Variants in NCKAP5 observed in about 807,000 individuals in gnomAD.
The protein encoded by NCKAP5 is NCK associated protein 5.
NCKAP5 carries 92 observed loss-of-function variants against 167.0 expected under a neutral mutation model. The ratio of observed to expected loss-of-function variants is 0.55; its 90% CI spans 0.47 to 0.66. The LOEUF (loss-of-function observed/expected upper bound fraction) is 0.66, where lower values mean the gene tolerates loss of function less well. Among genes scored for constraint, NCKAP5 ranks in the 30% least tolerant of loss-of-function variants. NCKAP5 has a pLI of 0.00. For missense variants in NCKAP5, 2,378 were observed against 2,315.0 expected (o/e 1.03, Z -0.56); for synonymous variants, 891 against 877.4 (o/e 1.02, Z -0.27).
At chr2:133,245,581 T>A (rs954731290) in intron 4 of NCKAP5, among the ~76,000 whole-genome samples, 9 of 152,128 alleles carry the variant, frequency 5.9e-5, no homozygotes, top group African/African-American at 2.2e-4. Context: ...AAAACCAGTA[T>A]ACTAACACTT....
intron 11 of NCKAP5, among the ~76,000 whole-genome samples, chr2:132,820,321 C>A (rs556486051): frequency 7.4e-4 from 112 of 151,842 alleles, no homozygotes; most frequent in African/African-American, 2.2e-3. Flanking sequence ...ACTCTGCCTT[C>A]CGGGTTCACG....
At chr2:132,879,722 A>G (rs1691602388) in intron 8 of NCKAP5, among the ~76,000 whole-genome samples, 1 of 152,172 alleles carries the variant, frequency 6.6e-6, no homozygotes, top group Non-Finnish European at 1.5e-5. Flanking sequence ...TAAGCCCACA[A>G]GCAATCTTGG....
chr2:133,042,639 A>G (rs1275544963), intron 6 of NCKAP5, among the ~76,000 whole-genome samples: 1 of 152,212 alleles, frequency 6.6e-6, no homozygotes, highest in Non-Finnish European at 1.5e-5. Context: ...AAACTGATCT[A>G]GATGTTGTTT....
At chr2:133,060,498 T>G (rs1159429090) in intron 6 of NCKAP5, among the ~76,000 whole-genome samples, 2 of 152,216 alleles carry the variant, frequency 1.3e-5, no homozygotes, top group Non-Finnish European at 2.9e-5. Context: ...TATGTATATA[T>G]TTTCATGGAC....
intron 6 of NCKAP5, among the ~76,000 whole-genome samples, chr2:133,048,805 T>C (rs966594149): frequency 2.0e-5 from 3 of 152,210 alleles, no homozygotes; most frequent in Non-Finnish European, 4.4e-5. Flanking sequence ...GATTTTAATA[T>C]ACATTGTTTT....
chr2:133,476,321 G>GA (rs1376619839), intron 3 of NCKAP5, among the ~76,000 whole-genome samples: 5 of 152,052 alleles, frequency 3.3e-5, no homozygotes, highest in Non-Finnish European at 5.9e-5. Context: ...TTGAGGAAAG[G>GA]AAAAAACACT....
intron 3 of NCKAP5, among the ~76,000 whole-genome samples, chr2:133,460,568 A>G (rs1229275536): frequency 2.0e-5 from 3 of 152,228 alleles, no homozygotes; most frequent in African/African-American, 4.8e-5. Flanking sequence ...CTCATTTACT[A>G]GAATAACGCT....
intron 11 of NCKAP5, among the ~76,000 whole-genome samples, chr2:132,831,051 T>C (rs1444180380): frequency 1.3e-5 from 2 of 152,206 alleles, no homozygotes; most frequent in Non-Finnish European, 2.9e-5. Context: ...AATGGCACAG[T>C]ATGATGCACA....
chr2:132,885,782 G>A (rs891199120), intron 8 of NCKAP5, among the ~76,000 whole-genome samples: 10 of 152,184 alleles, frequency 6.6e-5, no homozygotes, highest in African/African-American at 2.4e-4. Flanking sequence ...CATTAATTCT[G>A]TAAGTATGTA....
rs372650260 is a variant in NCKAP5, at chr2:133,006,184, A to G, written c.342-11945T>C. Among the ~76,000 whole-genome samples, 101 of 152,136 alleles carry G rather than the reference A, an allele frequency of 6.6e-4. 1 individual carries two copies. Among genetic ancestry groups the G allele is most frequent in the Middle Eastern group, 3.4e-3 (1 of 294 alleles). On this transcript the variant is annotated intron_variant, in intron 6 of 19. Coordinates refer to ENST00000409261, the MANE Select transcript of NCKAP5 (RefSeq NM_207363.3). Reference sequence around the variant, plus strand: ...TGAGGTGGGAGGATTGCTTGGACTCAGGAGGTCGAGGTTGCAGTGAGCCGA... The same window carrying G: ...TGAGGTGGGAGGATTGCTTGGACTCGGGAGGTCGAGGTTGCAGTGAGCCGA...
intron 4 of NCKAP5, among the ~76,000 whole-genome samples, chr2:133,225,904 TC>T (rs2086866008): frequency 6.8e-6 from 1 of 146,222 alleles, no homozygotes; most frequent in African/African-American, 2.5e-5. Context: ...TGCCTCAGCC[TC>T]CCGAGTAGCT....
At chr2:133,078,258 A>G (rs1242328035) in intron 6 of NCKAP5, among the ~76,000 whole-genome samples, 1 of 152,150 alleles carries the variant, frequency 6.6e-6, no homozygotes, top group Non-Finnish European at 1.5e-5. Context: ...GAAGATATTA[A>G]CATTCTACAG....
At chr2:133,512,267 T>G (rs968542740) in intron 3 of NCKAP5, among the ~76,000 whole-genome samples, 1 of 152,218 alleles carries the variant, frequency 6.6e-6, no homozygotes, top group Non-Finnish European at 1.5e-5. Flanking sequence ...TTCTTCCTAC[T>G]GGGGTATATG....
intron 6 of NCKAP5, among the ~76,000 whole-genome samples, chr2:133,012,069 T>C (rs1310099867): frequency 1.3e-5 from 2 of 152,154 alleles, no homozygotes; most frequent in Non-Finnish European, 2.9e-5. Flanking sequence ...AAATTTATCC[T>C]AATGGATGCC....
chr2:133,151,511 C>T (rs760577917), intron 5 of NCKAP5, among the ~76,000 whole-genome samples: 13 of 151,960 alleles, frequency 8.6e-5, no homozygotes, highest in Non-Finnish European at 1.9e-4. Flanking sequence ...ACCAAAGGTA[C>T]GCAGAGGGCA....
At chr2:133,059,805 A>G (rs1237953369) in intron 6 of NCKAP5, among the ~76,000 whole-genome samples, 1 of 152,200 alleles carries the variant, frequency 6.6e-6, no homozygotes, top group Non-Finnish European at 1.5e-5. Flanking sequence ...GAAATGAAAA[A>G]ATTCACATTA....
intron 3 of NCKAP5, among the ~76,000 whole-genome samples, chr2:133,439,771 T>C (rs973342060): frequency 6.6e-5 from 10 of 152,196 alleles, no homozygotes; most frequent in Admixed American, 3.9e-4. Context: ...TCTGCCTTCA[T>C]TGCTCAGGTT....
At chr2:132,872,241 A>G (rs953924274) in intron 9 of NCKAP5, among the ~76,000 whole-genome samples, 12 of 152,208 alleles carry the variant, frequency 7.9e-5, no homozygotes, top group Non-Finnish European at 1.3e-4. Flanking sequence ...GAGATGGAGC[A>G]GGGCTGCAGG....
At chr2:132,707,335 G>A (rs1688456451) in intron 19 of NCKAP5, among the ~76,000 whole-genome samples, 1 of 152,244 alleles carries the variant, frequency 6.6e-6, no homozygotes, top group African/African-American at 2.4e-5. Flanking sequence ...TTAGCCAGAG[G>A]GAAATCACCC....
Sources: allele counts gnomAD v4.1 joint callset (sites outside exome capture counted in the v4.1 genomes callset), GRCh38; gene constraint gnomAD v4.1.1; transcripts MANE v1.5; gene names NCBI Gene and HGNC (gene_info 2026-07-23, HGNC 2026-07-21).